Variants in SLC4A3 observed in about 807,000 individuals in gnomAD.
SLC4A3 encodes solute carrier family 4 member 3.
In SLC4A3, 47 loss-of-function variants were observed where a neutral mutation model predicts 114.2. The ratio of observed to expected loss-of-function variants is 0.41; its 90% confidence interval spans 0.33 to 0.52. The LOEUF is 0.52. Ranked by LOEUF, SLC4A3 falls within the 20% of genes least tolerant of loss-of-function variation. The pLI is 0.21. For synonymous variants in SLC4A3, 693 were observed against 710.3 expected, an observed-to-expected ratio of 0.98 and a Z score of 0.39; for missense variants, 1,312 against 1,668.3, an observed-to-expected ratio of 0.79 and a Z score of 3.72.
At position 219,631,838 on chromosome 2, in the gene SLC4A3, G is replaced by A; in HGVS notation, c.812-130G>A. 3.0e-6 allele frequency: 3 copies of A among 1,008,288 alleles called. No individual in the cohort carries two copies. Among genetic ancestry groups the A allele is most frequent in the Non-Finnish European group, 2.9e-6 (2 of 679,666 alleles). 62.5% of individuals were successfully genotyped at this position (1,008,288 alleles called of 1,614,324 possible). A position where few individuals can be genotyped will look rare whatever the true frequency, so the allele number is the denominator to read the frequency against. On this transcript the variant is annotated intron_variant, in intron 6 of 22. Coordinates refer to ENST00000358055, the MANE Select transcript of SLC4A3 (RefSeq NM_005070.4). This position sits in a 1 kb window ranked among gnomAD's most constrained non-coding sequence, Gnocchi z 6.3. The stretch of plus-strand genomic sequence containing the variant: ...TGAAATGGCCACATGGGATTATGTG[G>A]TTCCCGTCGGCATGGCCTGTTGGTG...
rs760268231 is a variant in SLC4A3, at chr2:219,637,672, C to G, written c.2627C>G (p.Ala876Gly). ...GCTGGTCTGGAGCCAAATGGCAGTG[C>G]CCTGCCCCCCACCGAGGGCCCCCCC... ...LDAGLEPNGS[A>G]LPPTEGPPSP... is the part of the protein sequence containing the mutation. The change falls in exon 17 of 23, where the codon GCC (alanine) becomes GGC (glycine). Residue 876 changes from alanine (A) to glycine (G), a missense_variant. Ala to Gly is a moderately conservative substitution (Grantham distance 60, BLOSUM62 0). Transcript: ENST00000358055. The surrounding 1 kb of genome is among the most constrained non-coding windows in gnomAD (Gnocchi z 4.6). 5 of 1,611,990 alleles carry G rather than the reference C, an allele frequency of 3.1e-6. No individual in the cohort carries two copies.
Position 219,641,495 on chromosome 2 carries a change from G to C in SLC4A3, c.3622-156G>C, listed in dbSNP as rs1213429468. Among the ~76,000 whole-genome samples the C allele has an allele frequency of 6.6e-6, 1 of 152,088 alleles. No individual in the cohort carries two copies. The highest frequency in any genetic ancestry group is 1.5e-5 in the Non-Finnish European group (1 of 68,016). On this transcript the variant is annotated intron_variant, in intron 22 of 22. Transcript: ENST00000358055. This position sits in a 1 kb window ranked among gnomAD's most constrained non-coding sequence, Gnocchi z 4.0. Reference sequence around the variant, plus strand: ...TCTGGGAGGTGACCTGAAGGCTTTGGCCAAGGGCAGTGCTGCCACCCAGGG... The same window carrying C: ...TCTGGGAGGTGACCTGAAGGCTTTGCCCAAGGGCAGTGCTGCCACCCAGGG...
rs1699205107 is a variant in SLC4A3 at position 219,638,402 on chromosome 2, C to T, written c.2856+149C>T. ...CCGCCCTGGGGGCTGAGGGCCTTCC[C>T]CAGGGAGCCTGAGTGATGAATCCGG... On this transcript the variant is annotated intron_variant, in intron 18 of 22. Transcript: ENST00000358055. This position sits in a 1 kb window ranked among gnomAD's most constrained non-coding sequence, Gnocchi z 7.5. 2.9e-6 allele frequency: 2 copies of T among 691,480 alleles called. No individual in the cohort carries two copies. 42.8% of individuals were successfully genotyped at this position (691,480 alleles called of 1,614,324 possible). A position where few individuals can be genotyped will look rare whatever the true frequency, so the allele number is the denominator to read the frequency against.
chr2:219,638,570 C>G lies in SLC4A3; in HGVS notation c.2857-133C>G, dbSNP rs1280032306. On this transcript the variant is annotated intron_variant, in intron 18 of 22. Transcript: ENST00000358055. The surrounding 1 kb of genome is among the most constrained non-coding windows in gnomAD (Gnocchi z 7.5). ...ACAGTGACTTCTGGAGGATGCAAAA[C>G]TAATTTTCCCCTGACCTGTTCACAC... 9.3e-6 allele frequency: 8 copies of G among 862,234 alleles called. No individual in the cohort carries two copies. Among genetic ancestry groups the G allele is most frequent in the Non-Finnish European group, 1.4e-5 (8 of 566,344 alleles). The allele number at this position is 862,234 out of a possible 1,614,324, so 53.4% of individuals were successfully genotyped here.
chr2:219,636,364 G>A lies in SLC4A3; in HGVS notation c.2254G>A (p.Val752Ile), dbSNP rs771719473. The A allele has an allele frequency of 5.0e-6, 8 of 1,613,654 alleles. No homozygotes were observed. The highest frequency in any genetic ancestry group is 4.5e-5 in the East Asian group (2 of 44,876). ...ELIVSTAVLGVLFSLLGAQPL... is the reference protein window; with the variant it reads ...ELIVSTAVLGILFSLLGAQPL... Reference sequence around the variant, plus strand: ...GATCGTGTCCACCGCTGTGCTCGGCGTCCTCTTCTCTCTGCTGGGAGCTCA... The same window carrying A: ...GATCGTGTCCACCGCTGTGCTCGGCATCCTCTTCTCTCTGCTGGGAGCTCA... Residue 752 changes from valine to isoleucine, a missense_variant, in exon 15 of 23, where the codon GTC becomes ATC. Physicochemically the swap from Val to Ile is conservative, Grantham distance 29. Around this residue, in one of 4 missense-constraint regions of SLC4A3, gnomAD observed 771 missense variants for 977.7 expected, o/e 0.79. Transcript: ENST00000358055. This position sits in a 1 kb window ranked among gnomAD's most constrained non-coding sequence, Gnocchi z 5.5.
rs1466550241 is a variant in SLC4A3, at chr2:219,639,049, G to T, written c.3023+180G>T. 6.6e-6 allele frequency among the ~76,000 whole-genome samples: 1 copy of T among 152,106 alleles called. No individual in the cohort carries two copies. Among genetic ancestry groups the T allele is most frequent in the Non-Finnish European group, 1.5e-5 (1 of 68,034 alleles). ...AGGAGCTGGCAGGGGTGAGGAGGAGGTGGGGGAGGAGCAGAGAGCAGTGGC... is the reference window on the plus strand; with the variant it reads ...AGGAGCTGGCAGGGGTGAGGAGGAGTTGGGGGAGGAGCAGAGAGCAGTGGC... On this transcript the variant is annotated intron_variant, in intron 19 of 22. Coordinates refer to ENST00000358055, the MANE Select transcript of SLC4A3 (RefSeq NM_005070.4). This position sits in a 1 kb window ranked among gnomAD's most constrained non-coding sequence, Gnocchi z 5.9.
At position 219,634,448 on chromosome 2, in the gene SLC4A3, A is replaced by T. The variant is rs771704751; in HGVS notation, c.1590A>T (p.Ala530=). The change falls in exon 12 of 23, where the codon GCA becomes GCT. Residue 530 remains alanine, a synonymous_variant. Transcript: ENST00000358055. ...VGCVPFLEQP[A]AAFVRLNEAV... is the part of the protein sequence containing the mutation. ...GTGTGCCTTTCTTGGAGCAGCCTGC[A>T]GCAGCCTTCGTGCGTCTGAATGAGG... 1 of 1,614,138 alleles carries T rather than the reference A, an allele frequency of 6.2e-7. No homozygotes were observed. The highest frequency in any genetic ancestry group is 8.5e-7 in the Non-Finnish European group (1 of 1,180,012).
chr2:219,634,248 C>T (rs773193271), intron 11 of SLC4A3, among the ~76,000 whole-genome samples, 172 bp from the exon 12 acceptor site: 3 of 152,214 alleles, frequency 2.0e-5, no homozygotes, highest in South Asian at 2.1e-4. Context: ...CATCTGTTGG[C>T]GAATTGTAAT....
At position 219,635,896 on chromosome 2, in the gene SLC4A3, G is replaced by C; in HGVS notation, c.2191+5G>C. ...TCACCTTCGGGGGGCTGCTGGGTAA[G>C]GGACTGGGGCTTGGGGAGTTGAGGG... On this transcript the variant is annotated splice_donor_5th_base_variant and intron_variant, in intron 14 of 22. Coordinates refer to ENST00000358055, the MANE Select transcript of SLC4A3 (RefSeq NM_005070.4). 6.7e-7 allele frequency: 1 copy of C among 1,498,678 alleles called. No homozygotes were observed. The highest frequency in any genetic ancestry group is 8.9e-7 in the Non-Finnish European group (1 of 1,127,784). The allele number at this position is 1,498,678 out of a possible 1,614,324, so 92.8% of individuals were successfully genotyped here. A position where few individuals can be genotyped will look rare whatever the true frequency, so the allele number is the denominator to read the frequency against.
Position 219,633,982 on chromosome 2 carries a change from G to A in SLC4A3, c.1561+3G>A, listed in dbSNP as rs1191527300. 1 of 1,549,216 alleles carries A rather than the reference G, an allele frequency of 6.5e-7. No homozygotes were observed. The highest frequency in any genetic ancestry group is 1.4e-5 in the African/African-American group (1 of 73,390). On this transcript the variant is annotated splice_donor_region_variant and intron_variant, in intron 11 of 22. Coordinates refer to ENST00000358055, the MANE Select transcript of SLC4A3 (RefSeq NM_005070.4). ...TGAGGCCACGGTTGTGCTTGTGGGT[G>A]AGGAGGGCCGGGCGCCGGGGGCAGG...
At position 219,629,141 on chromosome 2, in the gene SLC4A3, C is replaced by T. The variant is rs199926090; in HGVS notation, c.218-3C>T. Reference sequence around the variant, plus strand: ...GCCTCAACCGGATCTCCTGCACCCCCAGTTCACCGGCACACATCCCACCAC... The same window carrying T: ...GCCTCAACCGGATCTCCTGCACCCCTAGTTCACCGGCACACATCCCACCAC... On this transcript the variant is annotated splice_polypyrimidine_tract_variant and splice_region_variant and intron_variant, in intron 3 of 22. Coordinates refer to ENST00000358055, the MANE Select transcript of SLC4A3 (RefSeq NM_005070.4). The T allele has an allele frequency of 1.3e-5, 20 of 1,574,294 alleles. No homozygotes were observed. The highest frequency in any genetic ancestry group is 2.3e-5 in the East Asian group (1 of 44,434).
Position 219,629,202 on chromosome 2 carries a change from C to A in SLC4A3, c.276C>A (p.Pro92=). Reference sequence around the variant, plus strand: ...CGCTCTCAGCGCGCCTGCCTCCACCCCACAAGCTGCGGCGGCTGCCCCCCA... The same window carrying A: ...CGCTCTCAGCGCGCCTGCCTCCACCACACAAGCTGCGGCGGCTGCCCCCCA... ...HHPLSARLPP[P]HKLRRLPPTS... Residue 92 remains proline, a synonymous_variant, in exon 4 of 23, where the codon CCC becomes CCA. Coordinates refer to ENST00000358055, the MANE Select transcript of SLC4A3 (RefSeq NM_005070.4). 6.2e-7 allele frequency: 1 copy of A among 1,612,690 alleles called. No homozygotes were observed. Among genetic ancestry groups the A allele is most frequent in the Admixed American group, 1.7e-5 (1 of 59,826 alleles).
In SLC4A3 at chr2:219,629,362, G is replaced by A; in HGVS notation, c.436G>A (p.Gly146Arg). The change falls in exon 4 of 23, where the codon GGA becomes AGA. Residue 146 changes from glycine (G) to arginine (R), a missense_variant. This residue lies in a region of SLC4A3 where 236 missense variants were observed against 212.1 expected (regional missense o/e 1.11). Transcript: ENST00000358055. ...AGAGGAGGAAGAGGAGGAAGAGGAA[G>A]GAGAATCTGAGGCAGAACCTGTGGA... Reference protein sequence around the residue: ...EEEEEEEEEEGESEAEPVEPP... With the variant: ...EEEEEEEEEERESEAEPVEPP... 6.2e-7 allele frequency: 1 copy of A among 1,605,042 alleles called. No individual in the cohort carries two copies. Among genetic ancestry groups the A allele is most frequent in the Non-Finnish European group, 8.5e-7 (1 of 1,175,258 alleles).
chr2:219,630,296 C>T lies in SLC4A3; in HGVS notation c.755C>T (p.Pro252Leu). Reference protein sequence around the residue: ...GNPGGPEQQVPTDEAEAQMLG... With the variant: ...GNPGGPEQQVLTDEAEAQMLG... ...CCAGGTGGTCCAGAGCAGCAGGTGC[C>T]CACAGATGAGGCGGAGGCCCAGATG... Residue 252 changes from proline to leucine, a missense_variant, in exon 6 of 23, where the codon CCC (proline) becomes CTC (leucine). This residue lies in a region of SLC4A3 where 771 missense variants were observed against 977.7 expected (regional missense o/e 0.79). Transcript: ENST00000358055. This position sits in a 1 kb window ranked among gnomAD's most constrained non-coding sequence, Gnocchi z 6.9. 1 of 1,613,084 alleles carries T rather than the reference C, an allele frequency of 6.2e-7. No individual in the cohort carries two copies. The highest frequency in any genetic ancestry group is 1.1e-5 in the South Asian group (1 of 91,060).
rs750720911 is a variant in SLC4A3, at chr2:219,628,441, G to A, written c.88G>A (p.Asp30Asn). 1.6e-5 allele frequency: 26 copies of A among 1,613,546 alleles called. No individual in the cohort carries two copies. The South Asian group carries it at 2.9e-4, about 18-fold the overall frequency. ...VPLEEPPLSP[D>N]VEEEDDDLGK... ...CTTGGAGGAGCCCCCTCTAAGTCCA[G>A]ACGTGGAGGAGGAGGACGATGACTT... Residue 30 changes from aspartate to asparagine, a missense_variant, in exon 3 of 23, where the codon GAC becomes AAC. Asp to Asn is a conservative substitution (Grantham distance 23). Around this residue, in one of 4 missense-constraint regions of SLC4A3, gnomAD observed 236 missense variants for 212.1 expected, o/e 1.11. Transcript: ENST00000358055. This position sits in a 1 kb window ranked among gnomAD's most constrained non-coding sequence, Gnocchi z 4.8.
chr2:219,637,434 T>C lies in SLC4A3; in HGVS notation c.2536-147T>C, dbSNP rs1185535900. 5.0e-6 allele frequency: 3 copies of C among 595,050 alleles called. No homozygotes were observed. The highest frequency in any genetic ancestry group is 5.6e-5 in the East Asian group (2 of 35,420). The allele number at this position is 595,050 out of a possible 1,614,324, so 36.9% of individuals were successfully genotyped here. On this transcript the variant is annotated intron_variant, in intron 16 of 22. Coordinates refer to ENST00000358055, the MANE Select transcript of SLC4A3 (RefSeq NM_005070.4). This position sits in a 1 kb window ranked among gnomAD's most constrained non-coding sequence, Gnocchi z 4.6. Reference sequence around the variant, plus strand: ...TGTGTTCTGTGTGTTCTGTGTGTTGTGTGTGTGGTGCAGCTGGATGTCCGT... The same window carrying C: ...TGTGTTCTGTGTGTTCTGTGTGTTGCGTGTGTGGTGCAGCTGGATGTCCGT...
Position 219,636,651 on chromosome 2 carries a change from G to T in SLC4A3, c.2341-29G>T. ...TTGACACCCAGGGCAGTCCACCTGT[G>T]GGTAACGACCGCTCCTACCCCCACC... On this transcript the variant is annotated intron_variant, in intron 15 of 22. Coordinates refer to ENST00000358055, the MANE Select transcript of SLC4A3 (RefSeq NM_005070.4). The surrounding 1 kb of genome is among the most constrained non-coding windows in gnomAD (Gnocchi z 5.5). The T allele has an allele frequency of 6.3e-7, 1 of 1,592,210 alleles. No individual in the cohort carries two copies. Among genetic ancestry groups the T allele is most frequent in the African/African-American group, 1.3e-5 (1 of 74,496 alleles).
rs548815700 is a variant in SLC4A3 at position 219,631,944 on chromosome 2, C to A, written c.812-24C>A. On this transcript the variant is annotated intron_variant, in intron 6 of 22. Coordinates refer to ENST00000358055, the MANE Select transcript of SLC4A3 (RefSeq NM_005070.4). The surrounding 1 kb of genome is among the most constrained non-coding windows in gnomAD (Gnocchi z 6.3). ...GAGGGCCCCAGCTGGACCTGTGGGA[C>A]CCCCAAGCCCATCTTCTCTGCAGGT... 12 of 1,563,892 alleles carry A rather than the reference C, an allele frequency of 7.7e-6. No homozygotes were observed. Among genetic ancestry groups the A allele is most frequent in the South Asian group, 5.9e-5 (5 of 84,852 alleles).
In SLC4A3 at chr2:219,637,935, C is replaced by T; in HGVS notation, c.2766+124C>T. ...CCAAAACCCAGCTCGGGCAGCCCCT[C>T]ACCCCTTCGGAAGCCTCTTCCCTGG... On this transcript the variant is annotated intron_variant, in intron 17 of 22. Transcript: ENST00000358055. This position sits in a 1 kb window ranked among gnomAD's most constrained non-coding sequence, Gnocchi z 4.6. 2 of 791,084 alleles carry T rather than the reference C, an allele frequency of 2.5e-6. No individual in the cohort carries two copies. The allele number at this position is 791,084 out of a possible 1,614,324, so 49.0% of individuals were successfully genotyped here.
Sources: allele counts gnomAD v4.1 joint callset (sites outside exome capture counted in the v4.1 genomes callset), GRCh38; gene constraint gnomAD v4.1.1; regional missense constraint gnomAD v4.1.1; non-coding constraint Gnocchi (gnomAD v3.1); transcripts MANE v1.5; gene names NCBI Gene and HGNC (gene_info 2026-07-23, HGNC 2026-07-21).